UNK: variants seen among roughly 807,000 people sequenced by gnomAD.
UNK encodes unk zinc finger, also known as RING finger protein unkempt homolog.
A neutral mutation model predicts 97.6 loss-of-function variants in UNK; 32 were observed. The observed-to-expected ratio is 0.33, with a 90% CI of 0.25 to 0.44. The LOEUF is 0.44. Among genes scored for constraint, UNK ranks in the 20% least tolerant of loss-of-function variants. The pLI is 1.00. For missense variants in UNK, 771 were observed against 1,098.4 expected (o/e 0.70, Z 4.21); for synonymous variants, 441 against 461.2 (o/e 0.96, Z 0.56).
chr17:75,788,413 C>T (rs1224279884), intron 1 of UNK, among the ~76,000 whole-genome samples: 6 of 152,266 alleles, frequency 3.9e-5, no homozygotes, highest in African/African-American at 1.4e-4. Context: ...CTCCTAACCT[C>T]GTGATCCGCC....
At chr17:75,805,230 C>G (rs184384512) in intron 1 of UNK, among the ~76,000 whole-genome samples, 1 of 150,256 alleles carries the variant, frequency 6.7e-6, no homozygotes. Context: ...CACAGTGAAA[C>G]CCCATCTCTA....
rs2062104827 is a variant in UNK, at chr17:75,824,908, C to G, written c.*491C>G. ...AGCCCTCAGGGCAGGCCCTGCTCCC[C>G]CTACCTCCTTGCCAGGGCAAGGGTG... On this transcript the variant is annotated 3_prime_UTR_variant, in exon 16 of 16. Coordinates refer to ENST00000589666, the MANE Select transcript of UNK (RefSeq NM_001080419.3). The surrounding 1 kb of genome is among the most constrained non-coding windows in gnomAD (Gnocchi z 4.9). 1 of 152,262 alleles carries G rather than the reference C, an allele frequency of 6.6e-6. No homozygotes were observed. The highest frequency in any genetic ancestry group is 2.1e-4 in the South Asian group (1 of 4,830). The allele number at this position is 152,262 out of a possible 1,614,324, so 9.4% of individuals were successfully genotyped here.
At chr17:75,806,462 CAA>C (rs113892974) in intron 1 of UNK, among the ~76,000 whole-genome samples, 2 of 126,746 alleles carry the variant, frequency 1.6e-5, no homozygotes. Flanking sequence ...GACTCCGTCT[CAA>C]AAAAAAAAAA....
At chr17:75,821,583 C>T (rs1324935151) in intron 13 of UNK, 1 of 456,440 alleles carries the variant, frequency 2.2e-6, no homozygotes, top group South Asian at 1.5e-5. Context: ...CATGTCCCTC[C>T]TCTGTGGGTG....
rs1347881205 is a variant in UNK, at chr17:75,817,151, G to C, written c.1105-175G>C. Among the ~76,000 whole-genome samples, 2 of 150,702 alleles carry C rather than the reference G, an allele frequency of 1.3e-5. No homozygotes were observed. Among genetic ancestry groups the C allele is most frequent in the Admixed American group, 1.3e-4 (2 of 15,028 alleles). On this transcript the variant is annotated intron_variant, in intron 8 of 15. Transcript: ENST00000589666. The surrounding 1 kb of genome is among the most constrained non-coding windows in gnomAD (Gnocchi z 5.8). ...GACTGGTGGCAGGGACAAAGCCTGA[G>C]GTCACTCCCCTTTCCTTCGTGAGCT...
chr17:75,822,767 CAG>C, intron 14 of UNK, 109 bp downstream of exon 14: 2 of 1,327,836 alleles, frequency 1.5e-6, no homozygotes, highest in Non-Finnish European at 2.0e-6. Flanking sequence ...GCTGGAAGAA[CAG>C]AGCAGAAACT....
intron 1 of UNK, among the ~76,000 whole-genome samples, chr17:75,804,051 G>C (rs997120140): frequency 1.4e-4 from 22 of 152,230 alleles, no homozygotes; most frequent in African/African-American, 5.3e-4. Flanking sequence ...GCTGGCAAAA[G>C]TGAAAACAAA....
chr17:75,792,649 T>G (rs1435257068), intron 1 of UNK: 1 of 237,816 alleles, frequency 4.2e-6, no homozygotes, highest in Non-Finnish European at 6.8e-6. Flanking sequence ...AATACCTGCA[T>G]AGGCAGCAGA....
intron 1 of UNK, chr17:75,793,737 T>C: frequency 6.1e-6 from 6 of 985,436 alleles, no homozygotes; most frequent in Non-Finnish European, 6.0e-6. Context: ...TGAAACACCA[T>C]ATAGCCACCA....
intron 1 of UNK, chr17:75,792,102 A>G (rs899456252): frequency 2.1e-6 from 2 of 973,950 alleles, no homozygotes; most frequent in Non-Finnish European, 2.4e-6. Context: ...GCAGCACAGC[A>G]CACATCTGCA....
rs769047378 is a variant in UNK at position 75,813,852 on chromosome 17, C to T, written c.850C>T (p.Arg284Cys). 1 of 1,595,332 alleles carries T rather than the reference C, an allele frequency of 6.3e-7. No homozygotes were observed. The highest frequency in any genetic ancestry group is 8.5e-7 in the Non-Finnish European group (1 of 1,171,430). The change falls in exon 6 of 16, where the codon CGC (arginine) becomes TGC (cysteine). Residue 284 changes from arginine to cysteine, a missense_variant. Physicochemically the swap from Arg to Cys is radical, Grantham distance 180 (BLOSUM62 -3). Coordinates refer to ENST00000589666, the MANE Select transcript of UNK (RefSeq NM_001080419.3). ...AGACGCCTGCCAGTACTGCCACACC[C>T]GCACCGAGCAGCAGTTCCACCCCGA... Reference protein sequence around the residue: ...NGDACQYCHTRTEQQFHPEIY... With the variant: ...NGDACQYCHTCTEQQFHPEIY...
At chr17:75,804,893 G>T (rs1380393564) in intron 1 of UNK, among the ~76,000 whole-genome samples, 3 of 149,706 alleles carry the variant, frequency 2.0e-5, no homozygotes. Flanking sequence ...TGGATATCCT[G>T]AATAAAAATT....
At chr17:75,821,988 C>T in intron 13 of UNK, 2 of 308,486 alleles carry the variant, frequency 6.5e-6, no homozygotes, top group Non-Finnish European at 1.3e-5. Flanking sequence ...GGGGGATGGC[C>T]CCAAGGCTCC....
At chr17:75,797,230 TTTTTTG>T (rs1011576783) in intron 1 of UNK, among the ~76,000 whole-genome samples, 10 of 152,302 alleles carry the variant, frequency 6.6e-5, no homozygotes, top group South Asian at 2.1e-4. Flanking sequence ...TATATATTTG[TTTTTTG>T]TTTTTGTTTT....
At position 75,818,254 on chromosome 17, in the gene UNK, C is replaced by T; in HGVS notation, c.1371+86C>T. On this transcript the variant is annotated intron_variant, in intron 10 of 15. Transcript: ENST00000589666. The surrounding 1 kb of genome is among the most constrained non-coding windows in gnomAD (Gnocchi z 5.1). ...AGGAGGCTTCGGGGAGTGGGAGGCA[C>T]CACTTTTCCCAAAAGCTGAGGGCAG... The T allele has an allele frequency of 2.1e-6, 3 of 1,458,250 alleles. No homozygotes were observed. The highest frequency in any genetic ancestry group is 2.8e-6 in the Non-Finnish European group (3 of 1,059,042). The allele number at this position is 1,458,250 out of a possible 1,614,324, so 90.3% of individuals were successfully genotyped here.
At chr17:75,805,966 G>T (rs1431045697) in intron 1 of UNK, among the ~76,000 whole-genome samples, 1 of 152,030 alleles carries the variant, frequency 6.6e-6, no homozygotes, top group Non-Finnish European at 1.5e-5. Flanking sequence ...TCTAAAGTCC[G>T]CTGGGCGTGG....
At chr17:75,792,898 T>C (rs2061774738) in intron 1 of UNK, among the ~76,000 whole-genome samples, 1 of 152,254 alleles carries the variant, frequency 6.6e-6, no homozygotes, top group African/African-American at 2.4e-5. Context: ...TTCAAGCGCA[T>C]GGCCTATTGC....
chr17:75,793,268 C>G (rs770919318), intron 1 of UNK, among the ~76,000 whole-genome samples: 3 of 152,106 alleles, frequency 2.0e-5, no homozygotes, highest in Non-Finnish European at 4.4e-5. Flanking sequence ...GTCCATTCTT[C>G]AGGTATCGTG....
At chr17:75,812,403 T>C in intron 3 of UNK, 52 bp from the exon 4 acceptor site, 1 of 1,589,948 alleles carries the variant, frequency 6.3e-7, no homozygotes, top group Non-Finnish European at 8.6e-7. Flanking sequence ...ACTCTGGTTC[T>C]TGCCCCCTCA....
Sources: allele counts gnomAD v4.1 joint callset (sites outside exome capture counted in the v4.1 genomes callset), GRCh38; gene constraint gnomAD v4.1.1; non-coding constraint Gnocchi (gnomAD v3.1); transcripts MANE v1.5; gene names NCBI Gene and HGNC (gene_info 2026-07-23, HGNC 2026-07-21).